The following CDIN1 variants were observed in gnomAD, a reference collection of about 807,000 sequenced individuals.
CDIN1 encodes CDAN1-interacting nuclease 1.
A neutral mutation model predicts 45.3 loss-of-function variants in CDIN1; 33 were observed. The ratio of observed to expected loss-of-function variants is 0.73; its 90% CI spans 0.55 to 0.97. CDIN1 has a LOEUF of 0.97. CDIN1 is among the 50% of genes least tolerant of loss of function. The pLI is 0.00. For synonymous variants in CDIN1, 118 were observed against 124.4 expected (o/e 0.95, Z 0.34); for missense variants, 303 against 339.4 (o/e 0.89, Z 0.84).
Position 36,618,041 on chromosome 15 carries a change from G to A in CDIN1, c.102-26237G>A, listed in dbSNP as rs1022316748. The A allele has an allele frequency of 3.0e-5, 23 of 778,866 alleles. No individual in the cohort carries two copies. The African/African-American group carries it at 3.7e-4, about 13-fold the overall frequency. 48.2% of individuals were successfully genotyped at this position (778,866 alleles called of 1,614,324 possible). ...ATATAATCTTCACCAGCAGTTCTCG[G>A]TCTATAGTATTATTCCTCAGTCTTG... On this transcript the variant is annotated intron_variant, in intron 1 of 10. Coordinates refer to ENST00000566621, the MANE Select transcript of CDIN1 (RefSeq NM_001321759.2).
chr15:36,758,635 A>G (rs937171234), intron 10 of CDIN1, among the ~76,000 whole-genome samples: 18 of 152,164 alleles, frequency 1.2e-4, no homozygotes, highest in African/African-American at 4.1e-4. Flanking sequence ...ACAAAGAAAT[A>G]TATCACCTTT....
chr15:36,658,247 T>C (rs1439111319), intron 5 of CDIN1: 2 of 170,406 alleles, frequency 1.2e-5, no homozygotes, highest in African/African-American at 2.4e-5. Context: ...TTCATCCTTT[T>C]TATTTTAATT....
At chr15:36,657,000 T>G (rs1377189703) in intron 4 of CDIN1, among the ~76,000 whole-genome samples, 2 of 152,168 alleles carry the variant, frequency 1.3e-5, no homozygotes, top group Non-Finnish European at 2.9e-5. Flanking sequence ...TGTGTTCCTA[T>G]TTTTTGGTGA....
intron 10 of CDIN1, among the ~76,000 whole-genome samples, chr15:36,730,827 T>G (rs1209630746): frequency 6.6e-5 from 10 of 152,160 alleles, no homozygotes; most frequent in Admixed American, 5.9e-4. Context: ...AAATACATGA[T>G]TAACCCTTAT....
At chr15:36,675,565 T>C (rs1362611692) in intron 5 of CDIN1, among the ~76,000 whole-genome samples, 1 of 152,176 alleles carries the variant, frequency 6.6e-6, no homozygotes, top group Non-Finnish European at 1.5e-5. Context: ...GGCACAGCAT[T>C]GTGCTGCCAT....
chr15:36,637,910 ACTAT>A (rs927451953), intron 1 of CDIN1, among the ~76,000 whole-genome samples: 1 of 152,172 alleles, frequency 6.6e-6, no homozygotes, highest in Non-Finnish European at 1.5e-5. Context: ...GGGTGGTAAA[ACTAT>A]CAAGAAAAAC....
intron 10 of CDIN1, among the ~76,000 whole-genome samples, chr15:36,743,446 G>C (rs768446355): frequency 2.8e-4 from 42 of 152,296 alleles, no homozygotes; most frequent in Non-Finnish European, 4.7e-4. Context: ...CAACAGTGCA[G>C]TGCCCTCTTT....
In CDIN1 at chr15:36,697,421, T is replaced by A. The variant is rs375876944; in HGVS notation, c.544+31T>A. ...TATTATTCACATCTTCTCTAGCTTG[T>A]GTTGTCTCCCTGAGTGCTTAAATAT... On this transcript the variant is annotated intron_variant, in intron 8 of 10. Coordinates refer to ENST00000566621, the MANE Select transcript of CDIN1 (RefSeq NM_001321759.2). 9 of 1,546,050 alleles carry A rather than the reference T, an allele frequency of 5.8e-6. No homozygotes were observed. The African/African-American group carries it at 6.9e-5, about 12-fold the overall frequency.
At position 36,709,183 on chromosome 15, in the gene CDIN1, G is replaced by A. The variant is rs1443835893; in HGVS notation, c.545-40G>A. 2.6e-6 allele frequency: 4 copies of A among 1,515,742 alleles called. No individual in the cohort carries two copies. The East Asian group carries it at 7.0e-5, about 26-fold the overall frequency. 93.9% of individuals were successfully genotyped at this position (1,515,742 alleles called of 1,614,324 possible). On this transcript the variant is annotated intron_variant, in intron 8 of 10. Transcript: ENST00000566621. The stretch of plus-strand genomic sequence containing the variant: ...CAAATATATTCCTATCTTGTTAATT[G>A]AATAGTGTTTTAAGTAAATAGTGTT...
At chr15:36,801,469 G>A (rs1005262265) in intron 10 of CDIN1, among the ~76,000 whole-genome samples, 4 of 151,796 alleles carry the variant, frequency 2.6e-5, no homozygotes, top group African/African-American at 9.7e-5. Flanking sequence ...GGGCCTTTGG[G>A]GCATACTGTA....
chr15:36,705,550 A>G (rs777701428), intron 8 of CDIN1: 1 of 152,174 alleles, frequency 6.6e-6, no homozygotes, highest in Non-Finnish European at 1.5e-5. Context: ...TCTCTAGGCC[A>G]GTTATATTGT....
At chr15:36,619,022 C>G (rs2039029887) in intron 1 of CDIN1, 1 of 1,429,240 alleles carries the variant, frequency 7.0e-7, no homozygotes, top group Non-Finnish European at 9.6e-7. Flanking sequence ...GAACTTCGCT[C>G]CAATGTAGTG....
intron 5 of CDIN1, among the ~76,000 whole-genome samples, chr15:36,683,041 G>A (rs937788790): frequency 3.3e-5 from 5 of 152,156 alleles, no homozygotes; most frequent in Non-Finnish European, 7.3e-5. Context: ...TTCCTGATTG[G>A]AGTGAATGTA....
At chr15:36,797,923 T>C (rs2054865915) in intron 10 of CDIN1, among the ~76,000 whole-genome samples, 2 of 142,162 alleles carry the variant, frequency 1.4e-5, no homozygotes, top group South Asian at 4.3e-4. Flanking sequence ...GAGGTTGCAG[T>C]GAGCCAAGAT....
At chr15:36,667,329 AAGG>A (rs1015643220) in intron 5 of CDIN1, among the ~76,000 whole-genome samples, 5 of 152,190 alleles carry the variant, frequency 3.3e-5, no homozygotes, top group Non-Finnish European at 5.9e-5. Context: ...TCTTTGTAAA[AAGG>A]AGCCTTAACA....
intron 10 of CDIN1, among the ~76,000 whole-genome samples, chr15:36,805,260 T>C (rs553076498): frequency 3.9e-5 from 6 of 152,282 alleles, no homozygotes; most frequent in African/African-American, 1.4e-4. Context: ...TAGTCAACTT[T>C]AAAAAGTGTT....
chr15:36,762,074 A>T (rs560092447), intron 10 of CDIN1, among the ~76,000 whole-genome samples: 1 of 152,264 alleles, frequency 6.6e-6, no homozygotes, highest in South Asian at 2.1e-4. Flanking sequence ...GTTTCCTATC[A>T]TATCTAGAGA....
chr15:36,714,128 A>C (rs1349561913), intron 10 of CDIN1, among the ~76,000 whole-genome samples: 3 of 152,174 alleles, frequency 2.0e-5, no homozygotes, highest in Non-Finnish European at 2.9e-5. Context: ...TTCAACTCGA[A>C]GTATAGTGAG....
intron 1 of CDIN1, among the ~76,000 whole-genome samples, chr15:36,590,962 G>C (rs1047607088): frequency 6.6e-6 from 1 of 152,216 alleles, no homozygotes; most frequent in African/African-American, 2.4e-5. Flanking sequence ...GCACATTTAT[G>C]AATCAGTGTT....
Sources: gnomAD v4.1 joint callset for allele counts (sites outside exome capture counted in the v4.1 genomes callset) on GRCh38, gnomAD v4.1.1 for gene constraint, MANE v1.5 for transcripts, NCBI Gene and HGNC (gene_info 2026-07-23, HGNC 2026-07-21) for gene names.